The following CDH3 variants were observed in gnomAD, a reference collection of about 807,000 sequenced individuals.
CDH3 encodes cadherin 3, also known as cadherin-3.
CDH3 carries 54 observed loss-of-function variants against 82.0 expected under a neutral mutation model. That is an observed-to-expected ratio of 0.66 (90% CI 0.53 to 0.83). The LOEUF is 0.83. CDH3 is among the 40% of genes least tolerant of loss of function. The probability of loss-of-function intolerance (pLI) is 0.00; values close to 1 mark genes in which losing one functional copy is unlikely to be tolerated. For missense variants in CDH3, 1,054 were observed against 1,084.6 expected, an observed-to-expected ratio of 0.97 and a Z score of 0.40; for synonymous variants, 446 against 437.9, an observed-to-expected ratio of 1.02 and a Z score of -0.23.
At chr16:68,702,597 G>C (rs1472676581), downstream of CDH3, among the ~76,000 whole-genome samples, 1 of 152,116 alleles carries the variant, frequency 6.6e-6, no homozygotes, top group Non-Finnish European at 1.5e-5. Flanking sequence ...GCCAGGTGTG[G>C]CTCACACCTG....
intron 9 of CDH3, 91 bp from the exon 10 acceptor site, chr16:68,684,492 T>G: frequency 2.8e-6 from 4 of 1,451,114 alleles, no homozygotes; most frequent in Non-Finnish European, 3.9e-6. Context: ...AGCCCCTCAG[T>G]ATTGGTGTTT....
chr16:68,669,362 A>C (rs934857828), intron 2 of CDH3, among the ~76,000 whole-genome samples: 4 of 152,198 alleles, frequency 2.6e-5, no homozygotes, highest in Admixed American at 6.5e-5. Context: ...CCAGCTCCTC[A>C]GATGTATCTG....
At chr16:68,732,548 G>A in the CDH3 span, among the ~76,000 whole-genome samples, 97 of 152,306 alleles carry the variant, frequency 6.4e-4, no homozygotes, top group African/African-American at 1.9e-3. Context: ...ATCTATCTGC[G>A]GTGATCTGAA....
chr16:68,659,866 TG>T (rs1960513225), intron 2 of CDH3, among the ~76,000 whole-genome samples: 1 of 151,866 alleles, frequency 6.6e-6, no homozygotes, highest in Middle Eastern at 3.4e-3. Context: ...AAACAAGAAT[TG>T]GACTATATCA....
At chr16:68,727,541 C>G (rs919117758), downstream of CDH3, among the ~76,000 whole-genome samples, 1 of 152,014 alleles carries the variant, frequency 6.6e-6, no homozygotes, top group African/African-American at 2.4e-5. Context: ...TTTGGGAGGC[C>G]GAGACGAGTG....
At chr16:68,662,219 G>T (rs1262210031) in intron 2 of CDH3, among the ~76,000 whole-genome samples, 2 of 152,172 alleles carry the variant, frequency 1.3e-5, no homozygotes, top group Non-Finnish European at 2.9e-5. Context: ...GGAGTAGTGT[G>T]TGCAAAGGCC....
chr16:68,706,115 GAT>G (rs557897934), intron 1 of CDH3, among the ~76,000 whole-genome samples: 242 of 150,428 alleles, frequency 1.6e-3, no homozygotes, highest in African/African-American at 5.7e-3. Context: ...GCTGCAGGTA[GAT>G]ATATGTGTAG....
chr16:68,698,086 C>T (rs1380598086), intron 15 of CDH3, 105 bp from the exon 16 acceptor site: 5 of 1,015,384 alleles, frequency 4.9e-6, no homozygotes, highest in South Asian at 2.6e-5. Context: ...ACCTCCAAAA[C>T]CTTTAGGGGA....
In CDH3 at chr16:68,651,961, G is replaced by A. The variant is rs376767261; in HGVS notation, c.160+6211G>A. ...TTGAATTGCATGGAGAATACGGCTG[G>A]CAGGTGCGGTGGCAGGACAGGACCG... On this transcript the variant is annotated intron_variant, in intron 2 of 15. Transcript: ENST00000264012. 4 of 326,780 alleles carry A rather than the reference G, an allele frequency of 1.2e-5. No homozygotes were observed. In the East Asian group the frequency reaches 3.2e-4, roughly 26 times the overall value. The allele number at this position is 326,780 out of a possible 1,614,324, so 20.2% of individuals were successfully genotyped here. A position where few individuals can be genotyped will look rare whatever the true frequency, so the allele number is the denominator to read the frequency against.
chr16:68,681,592 T>C (rs1302123941), intron 8 of CDH3, among the ~76,000 whole-genome samples: 3 of 152,190 alleles, frequency 2.0e-5, no homozygotes, highest in Admixed American at 6.5e-5. Flanking sequence ...TCCCAGCACT[T>C]TGGGAGGCCA....
At position 68,673,865 on chromosome 16, in the gene CDH3, C is replaced by T. The variant is rs191156309; in HGVS notation, c.161-2520C>T. Among the ~76,000 whole-genome samples the T allele has an allele frequency of 4.3e-4, 65 of 151,864 alleles. 1 individual carries two copies. In the East Asian group the frequency reaches 6.8e-3, roughly 16 times the overall value. On this transcript the variant is annotated intron_variant, in intron 2 of 15. Coordinates refer to ENST00000264012, the MANE Select transcript of CDH3 (RefSeq NM_001793.6). Reference sequence around the variant, plus strand: ...GCTTGAACCTAGGAGGTGGAGGTTGCGGTGAGCCACTGTACCATAGCCTGG... The same window carrying T: ...GCTTGAACCTAGGAGGTGGAGGTTGTGGTGAGCCACTGTACCATAGCCTGG...
At chr16:68,668,777 T>A (rs1960808870) in intron 2 of CDH3, among the ~76,000 whole-genome samples, 1 of 152,166 alleles carries the variant, frequency 6.6e-6, no homozygotes. Flanking sequence ...GAGAGAGAAT[T>A]TTTCGATGGT....
downstream of CDH3, among the ~76,000 whole-genome samples, chr16:68,728,295 A>C (rs1962239940): frequency 6.6e-6 from 1 of 151,984 alleles, no homozygotes; most frequent in Non-Finnish European, 1.5e-5. Flanking sequence ...CCTCCGGAGC[A>C]GCTGGGACTG....
downstream of CDH3, among the ~76,000 whole-genome samples, chr16:68,704,474 T>A (rs7194529): frequency 0.85 from 129,964 of 152,132 alleles, 55,684 homozygotes; most frequent in Non-Finnish European, 0.88. Flanking sequence ...AGGGAGTGCC[T>A]GTGTCAGGTA....
intron 2 of CDH3, among the ~76,000 whole-genome samples, chr16:68,667,569 A>G (rs574397604): frequency 7.1e-4 from 108 of 152,334 alleles, no homozygotes; most frequent in Admixed American, 1.8e-3. Context: ...CTTCAAGGGT[A>G]TTCCCTTGGG....
Position 68,645,365 on chromosome 16 carries a change from CCT to C in CDH3, c.-8_-7del, listed in dbSNP as rs1288625645. On this transcript the variant is annotated 5_prime_UTR_variant, in exon 1 of 16. Coordinates refer to ENST00000264012, the MANE Select transcript of CDH3 (RefSeq NM_001793.6). ...CCGCCGTCGCGGCAGCTGCTTCACCCCTCTCTCTGCAGCCATGGGGCTCCCTC... is the reference window on the plus strand; with the variant it reads ...CCGCCGTCGCGGCAGCTGCTTCACCCCTCTCTGCAGCCATGGGGCTCCCTC... 36 of 1,612,600 alleles carry C rather than the reference CCT, an allele frequency of 2.2e-5. No individual in the cohort carries two copies. The highest frequency in any genetic ancestry group is 3.3e-5 in the Admixed American group (2 of 59,990).
In CDH3 at chr16:68,675,690, A is replaced by G. The variant is rs1961011731; in HGVS notation, c.161-695A>G. Among the ~76,000 whole-genome samples the G allele has an allele frequency of 2.0e-5, 3 of 151,320 alleles. No individual in the cohort carries two copies. In the South Asian group the frequency reaches 6.3e-4, roughly 32 times the overall value. On this transcript the variant is annotated intron_variant, in intron 2 of 15. Coordinates refer to ENST00000264012, the MANE Select transcript of CDH3 (RefSeq NM_001793.6). Reference sequence around the variant, plus strand: ...ACGCCTGTAACCCCAGCTACTCAGGAGGTTGAGGCGGGAGAATCACTTGAA... The same window carrying G: ...ACGCCTGTAACCCCAGCTACTCAGGGGGTTGAGGCGGGAGAATCACTTGAA...
intron 12 of CDH3, 54 bp downstream of exon 12, chr16:68,687,790 C>A: frequency 7.9e-7 from 1 of 1,266,838 alleles, no homozygotes; most frequent in Non-Finnish European, 1.2e-6. Context: ...TGGTGGGCAT[C>A]TGCCCCACAC....
downstream of CDH3, among the ~76,000 whole-genome samples, chr16:68,732,370 C>T (rs537362543): frequency 2.0e-5 from 3 of 152,318 alleles, no homozygotes; most frequent in South Asian, 2.1e-4. Flanking sequence ...GCACCCCTTG[C>T]CAGGAGATGA....
Sources: gnomAD v4.1 joint callset for allele counts (sites outside exome capture counted in the v4.1 genomes callset) on GRCh38, gnomAD v4.1.1 for gene constraint, MANE v1.5 for transcripts, NCBI Gene and HGNC (gene_info 2026-07-23, HGNC 2026-07-21) for gene names.